LRRC4C: variants seen among roughly 807,000 people sequenced by gnomAD.
The protein encoded by LRRC4C is leucine-rich repeat-containing protein 4C.
A neutral mutation model predicts 33.6 loss-of-function variants in LRRC4C; 5 were observed. The ratio of observed to expected loss-of-function variants is 0.15; its 90% confidence interval spans 0.08 to 0.31. The LOEUF is 0.31. Among genes scored for constraint, LRRC4C ranks in the 10% least tolerant of loss-of-function variants. The pLI is 1.00. For synonymous variants in LRRC4C, 329 were observed against 302.0 expected (o/e 1.09, Z -0.93); for missense variants, 560 against 796.7 (o/e 0.70, Z 3.58).
intron 1 of LRRC4C, among the ~76,000 whole-genome samples, chr11:41,259,819 G>GTT (rs369287702): frequency 6.6e-6 from 1 of 150,998 alleles, no homozygotes; most frequent in Non-Finnish European, 1.5e-5. Flanking sequence ...TTCTTTGGTG[G>GTT]TTTTTTTTTA....
rs368840899 is a variant in LRRC4C, at chr11:40,133,363, C to T, written c.-43+7438G>A. ...AGTCATTCAGATTTTAAAATCACCTCCCAACGTTTTACCAAGTACTTACTT... is the reference window on the plus strand; with the variant it reads ...AGTCATTCAGATTTTAAAATCACCTTCCAACGTTTTACCAAGTACTTACTT... On this transcript the variant is annotated intron_variant, in intron 6 of 6. Transcript: ENST00000528697. Among the ~76,000 whole-genome samples, 79 of 152,214 alleles carry T rather than the reference C, an allele frequency of 5.2e-4. 2 individuals are homozygous for T. In the South Asian group the frequency reaches 0.016, roughly 31 times the overall value.
intron 5 of LRRC4C, among the ~76,000 whole-genome samples, chr11:40,192,263 G>C (rs1861904414): frequency 6.6e-6 from 1 of 152,056 alleles, no homozygotes; most frequent in Admixed American, 6.6e-5. Context: ...TTCCAGTGAG[G>C]TACCTGGTTC....
intron 3 of LRRC4C, among the ~76,000 whole-genome samples, chr11:40,381,797 A>T (rs1315834018): frequency 1.3e-5 from 2 of 151,854 alleles, no homozygotes; most frequent in African/African-American, 4.8e-5. Flanking sequence ...GGTCATTGGG[A>T]CGCTGGCTGA....
At chr11:40,543,561 G>A (rs1418677975) in intron 3 of LRRC4C, among the ~76,000 whole-genome samples, 1 of 152,088 alleles carries the variant, frequency 6.6e-6, no homozygotes, top group Non-Finnish European at 1.5e-5. Context: ...AATAAAGGGG[G>A]TCGTAGAGCA....
In LRRC4C at chr11:40,959,748, C is replaced by T. The variant is rs543022704; in HGVS notation, c.-495-26025G>A. Among the ~76,000 whole-genome samples, 6 of 151,726 alleles carry T rather than the reference C, an allele frequency of 4.0e-5. No homozygotes were observed. In the East Asian group the frequency reaches 1.2e-3, roughly 30 times the overall value. On this transcript the variant is annotated intron_variant, in intron 1 of 6. Coordinates refer to ENST00000528697, the MANE Select transcript of LRRC4C (RefSeq NM_001258419.2). The stretch of plus-strand genomic sequence containing the variant: ...GCACAGTGCTCTAGCAAAAGTGTGT[C>T]ATGTTCAATCAAATGCTGAGAAGGT...
At chr11:40,985,322 C>T (rs1417845216) in intron 1 of LRRC4C, among the ~76,000 whole-genome samples, 2 of 151,888 alleles carry the variant, frequency 1.3e-5, no homozygotes, top group African/African-American at 2.4e-5. Context: ...CTGAAAGATA[C>T]ATTTATCTTC....
intron 1 of LRRC4C, among the ~76,000 whole-genome samples, chr11:41,334,403 C>A (rs1001340143): frequency 1.3e-5 from 2 of 152,146 alleles, no homozygotes; most frequent in African/African-American, 4.8e-5. Flanking sequence ...TTTTCCTTCT[C>A]CTTTACTCTC....
At chr11:40,514,574 A>G (rs569038868) in intron 3 of LRRC4C, among the ~76,000 whole-genome samples, 2 of 152,314 alleles carry the variant, frequency 1.3e-5, no homozygotes. Context: ...TATCATTATC[A>G]GAATTATTGA....
chr11:40,995,145 T>C lies in LRRC4C; in HGVS notation c.-495-61422A>G, dbSNP rs1192365905. 2.6e-5 allele frequency among the ~76,000 whole-genome samples: 4 copies of C among 152,252 alleles called. No homozygotes were observed. In the South Asian group the frequency reaches 6.2e-4, roughly 24 times the overall value. ...TTTTCTCTTGATTGATTGTCAATGT[T>C]ATATAAGCAGGTACACTAGGAATCA... On this transcript the variant is annotated intron_variant, in intron 1 of 6. Coordinates refer to ENST00000528697, the MANE Select transcript of LRRC4C (RefSeq NM_001258419.2).
intron 5 of LRRC4C, among the ~76,000 whole-genome samples, chr11:40,144,499 C>T (rs1037778878): frequency 6.6e-6 from 1 of 152,130 alleles, no homozygotes; most frequent in Non-Finnish European, 1.5e-5. Flanking sequence ...TGATAATCCT[C>T]CTTGATCTTT....
At chr11:40,997,294 A>G (rs1176128440) in intron 1 of LRRC4C, among the ~76,000 whole-genome samples, 2 of 152,108 alleles carry the variant, frequency 1.3e-5, no homozygotes, top group Non-Finnish European at 2.9e-5. Context: ...AAAAGAAGGA[A>G]AACTATAAGA....
chr11:40,624,047 A>G (rs1380741317), intron 3 of LRRC4C, among the ~76,000 whole-genome samples: 3 of 152,098 alleles, frequency 2.0e-5, no homozygotes, highest in Admixed American at 6.6e-5. Context: ...TCTGCATTTC[A>G]GTGTATCAAA....
intron 3 of LRRC4C, among the ~76,000 whole-genome samples, chr11:40,416,405 G>A (rs1950325829): frequency 6.6e-6 from 1 of 152,108 alleles, no homozygotes; most frequent in South Asian, 2.1e-4. Context: ...CAGGCAGAGG[G>A]TCAGATACCA....
At chr11:41,266,839 G>T (rs972757926) in intron 1 of LRRC4C, among the ~76,000 whole-genome samples, 4 of 152,030 alleles carry the variant, frequency 2.6e-5, no homozygotes. Flanking sequence ...TCTAATTTAG[G>T]CAAGTGCACA....
intron 2 of LRRC4C, among the ~76,000 whole-genome samples, chr11:40,855,813 G>T (rs1348172812): frequency 6.6e-6 from 1 of 151,806 alleles, no homozygotes; most frequent in Non-Finnish European, 1.5e-5. Context: ...TAACTTAAAG[G>T]TACAGAATTT....
At chr11:40,452,332 A>G (rs1188581857) in intron 3 of LRRC4C, among the ~76,000 whole-genome samples, 1 of 152,232 alleles carries the variant, frequency 6.6e-6, no homozygotes, top group Non-Finnish European at 1.5e-5. Context: ...ACAAATTTAC[A>G]AGAAAAAAAC....
intron 6 of LRRC4C, among the ~76,000 whole-genome samples, chr11:40,121,194 A>G (rs1855800601): frequency 6.6e-6 from 1 of 152,190 alleles, no homozygotes; most frequent in Admixed American, 6.5e-5. Context: ...ATATATTGCT[A>G]TTACTTAAAA....
intron 1 of LRRC4C, among the ~76,000 whole-genome samples, chr11:41,086,777 T>C (rs1940022248): frequency 6.6e-6 from 1 of 152,124 alleles, no homozygotes. Context: ...TAAGATGTTA[T>C]TAAAAGTTTC....
At position 40,331,825 on chromosome 11, in the gene LRRC4C, G is replaced by A. The variant is rs552632056; in HGVS notation, c.-269-12104C>T. On this transcript the variant is annotated intron_variant, in intron 3 of 6. Transcript: ENST00000528697. ...AGACTGGGACTGAGTTATGCCACCCGCTTTCCAGGTTATCCAGCTTGCAGG... is the reference window on the plus strand; with the variant it reads ...AGACTGGGACTGAGTTATGCCACCCACTTTCCAGGTTATCCAGCTTGCAGG... Among the ~76,000 whole-genome samples, 31 of 152,222 alleles carry A rather than the reference G, an allele frequency of 2.0e-4. No homozygotes were observed. In the South Asian group the frequency reaches 3.7e-3, roughly 18 times the overall value.
Sources: allele counts gnomAD v4.1 joint callset (sites outside exome capture counted in the v4.1 genomes callset), GRCh38; gene constraint gnomAD v4.1.1; transcripts MANE v1.5; gene names NCBI Gene and HGNC (gene_info 2026-07-23, HGNC 2026-07-21).